The following CNTN4 variants were observed in gnomAD, a reference collection of about 807,000 sequenced individuals.
The protein encoded by CNTN4 is contactin 4.
A neutral mutation model predicts 122.5 loss-of-function variants in CNTN4; 77 were observed. The observed-to-expected ratio is 0.63, with a 90% CI of 0.52 to 0.76. The LOEUF is 0.76. CNTN4 is among the 30% of genes least tolerant of loss of function. CNTN4 has a pLI of 0.00. For synonymous variants in CNTN4, 512 were observed against 447.0 expected, an observed-to-expected ratio of 1.15 and a Z score of -1.83; for missense variants, 1,256 against 1,259.1, an observed-to-expected ratio of 1.00 and a Z score of 0.04.
chr3:2,959,499 G>A (rs2094831844), intron 13 of CNTN4, among the ~76,000 whole-genome samples: 2 of 151,496 alleles, frequency 1.3e-5, no homozygotes, highest in African/African-American at 4.8e-5. Context: ...AACATATTGT[G>A]AAAAAAAATC....
At chr3:2,637,969 T>C (rs1023973112) in intron 4 of CNTN4, among the ~76,000 whole-genome samples, 3 of 152,206 alleles carry the variant, frequency 2.0e-5, no homozygotes, top group African/African-American at 7.2e-5. Flanking sequence ...TTTAAACTTG[T>C]AACTATGGGC....
intron 3 of CNTN4, among the ~76,000 whole-genome samples, chr3:2,359,307 G>A (rs541653047): frequency 2.1e-4 from 32 of 151,828 alleles, no homozygotes; most frequent in African/African-American, 5.6e-4. Flanking sequence ...TTATTACAAC[G>A]TATAATGTAC....
At chr3:2,849,118 G>A (rs1577045248) in intron 7 of CNTN4, among the ~76,000 whole-genome samples, 1 of 152,308 alleles carries the variant, frequency 6.6e-6, no homozygotes, top group East Asian at 1.9e-4. Context: ...TGTACAACAA[G>A]ATCCACTGTC....
At chr3:2,932,314 C>T (rs1405221418) in intron 13 of CNTN4, among the ~76,000 whole-genome samples, 1 of 152,046 alleles carries the variant, frequency 6.6e-6, no homozygotes, top group Non-Finnish European at 1.5e-5. Flanking sequence ...GAAGGCGGAG[C>T]TTGCAGTGAG....
chr3:2,527,508 T>A (rs1258008881), intron 3 of CNTN4, among the ~76,000 whole-genome samples: 5 of 152,212 alleles, frequency 3.3e-5, no homozygotes, highest in Non-Finnish European at 4.4e-5. Flanking sequence ...CTTTCAAGAT[T>A]TAGCATCTGA....
chr3:2,471,662 G>GCC, intron 3 of CNTN4, among the ~76,000 whole-genome samples: 2 of 152,132 alleles, frequency 1.3e-5, no homozygotes, highest in Non-Finnish European at 2.9e-5. Flanking sequence ...CCCTCCAGAG[G>GCC]TGCATTGGTT....
chr3:2,435,254 C>T (rs2048218985), intron 3 of CNTN4, among the ~76,000 whole-genome samples: 1 of 152,102 alleles, frequency 6.6e-6, no homozygotes, highest in South Asian at 2.1e-4. Context: ...CAGGACCTCC[C>T]TTATATACCA....
intron 2 of CNTN4, among the ~76,000 whole-genome samples, chr3:2,131,010 CTGCAGATAAGGGATT>C (rs2034424084): frequency 6.6e-6 from 1 of 152,166 alleles, no homozygotes; most frequent in Non-Finnish European, 1.5e-5. Flanking sequence ...CATATTGGAA[CTGCAGATAAGGGATT>C]ATGGACCTGT....
Position 2,658,890 on chromosome 3 carries a change from T to A in CNTN4, c.56-77325T>A, listed in dbSNP as rs114757605. On this transcript the variant is annotated intron_variant, in intron 4 of 24. Transcript: ENST00000418658. ...CCAGAAAGGGATAAGCTGCAAATCA[T>A]GAATCCATAAGAATAAATACCTACT... 5.3e-5 allele frequency among the ~76,000 whole-genome samples: 8 copies of A among 151,710 alleles called. No homozygotes were observed. In the East Asian group the frequency reaches 1.6e-3, roughly 30 times the overall value.
At chr3:2,287,639 AGAAGAAGAAGAAGAAGAAGAAG>A (rs2041956707) in intron 2 of CNTN4, among the ~76,000 whole-genome samples, 1 of 14,246 alleles carries the variant, frequency 7.0e-5, no homozygotes, top group South Asian at 2.7e-3. Flanking sequence ...AAGGAGAAGA[AGAAGAAGAAGAAGAAGAAGAAG>A]AAGAAGAAGA....
intron 13 of CNTN4, among the ~76,000 whole-genome samples, chr3:2,946,693 CT>C (rs1553703098): frequency 0.03 from 3,824 of 127,710 alleles, 197 homozygotes; most frequent in African/African-American, 0.099. Flanking sequence ...AGACAGCTTG[CT>C]TTTTTTTTTC....
chr3:2,725,091 T>C (rs78095656), intron 4 of CNTN4, among the ~76,000 whole-genome samples: 1,620 of 152,330 alleles, frequency 0.011, 35 homozygotes, highest in African/African-American at 0.037. Flanking sequence ...GCATGGATAA[T>C]GGGAGACACT....
rs796676887 is a variant in CNTN4 at position 2,544,758 on chromosome 3, C to CT, written c.-88-26647dup. Among the ~76,000 whole-genome samples, 888 of 143,772 alleles carry CT rather than the reference C, an allele frequency of 6.2e-3. 7 individuals carry two copies. Among genetic ancestry groups the CT allele is most frequent in the African/African-American group, 0.02 (789 of 39,390 alleles). The allele number at this position is 143,772 out of a possible 152,430, so 94.3% of individuals were successfully genotyped here. A position where few individuals can be genotyped will look rare whatever the true frequency, so the allele number is the denominator to read the frequency against. On this transcript the variant is annotated intron_variant, in intron 3 of 24. Coordinates refer to ENST00000418658, the MANE Select transcript of CNTN4 (RefSeq NM_175607.3). ...AAATGTGTTTACTTGGATCTCTGCT[C>CT]TTTTTTTTTTTAATTAGTCTAGCCA... is the stretch of plus-strand genomic sequence containing the variant.
In CNTN4 at chr3:2,476,745, ATTC is replaced by A. The variant is rs570848136; in HGVS notation, c.-88-94668_-88-94666del. 5.4e-3 allele frequency among the ~76,000 whole-genome samples: 830 copies of A among 152,318 alleles called. 3 individuals are homozygous for A. Among genetic ancestry groups the A allele is most frequent in the Non-Finnish European group, 8.2e-3 (558 of 68,020 alleles). On this transcript the variant is annotated intron_variant, in intron 3 of 24. Transcript: ENST00000418658. ...ATTGGATTGTGATTATGATTGTGCT[ATTC>A]TTTAAATATTCTAAAAACTCCTTGA... is the stretch of plus-strand genomic sequence containing the variant.
At chr3:3,027,142 C>G (rs775546337) in intron 15 of CNTN4, among the ~76,000 whole-genome samples, 2 of 152,146 alleles carry the variant, frequency 1.3e-5, no homozygotes, top group Non-Finnish European at 2.9e-5. Flanking sequence ...ATAGTGAGAG[C>G]ATATTTTCCA....
intron 9 of CNTN4, among the ~76,000 whole-genome samples, chr3:2,883,566 T>C (rs1455719481): frequency 6.6e-6 from 1 of 152,214 alleles, no homozygotes; most frequent in Non-Finnish European, 1.5e-5. Context: ...AGGAAAACAA[T>C]GGCCTCCACT....
chr3:2,181,211 G>C (rs920251347), intron 2 of CNTN4, among the ~76,000 whole-genome samples: 1 of 152,032 alleles, frequency 6.6e-6, no homozygotes, highest in Non-Finnish European at 1.5e-5. Flanking sequence ...TTACACTCAT[G>C]AATAAAAGCA....
chr3:2,666,138 T>C (rs1275888252), intron 4 of CNTN4, among the ~76,000 whole-genome samples: 1 of 152,206 alleles, frequency 6.6e-6, no homozygotes, highest in Non-Finnish European at 1.5e-5. Context: ...TTTGACTTTA[T>C]TTTATGACTT....
chr3:2,811,196 A>AGT, intron 6 of CNTN4, among the ~76,000 whole-genome samples: 1 of 151,704 alleles, frequency 6.6e-6, no homozygotes, highest in East Asian at 2.0e-4. Flanking sequence ...TATCACTTGA[A>AGT]GTCAGGAGTT....
Sources: gnomAD v4.1 joint callset for allele counts (sites outside exome capture counted in the v4.1 genomes callset) on GRCh38, gnomAD v4.1.1 for gene constraint, MANE v1.5 for transcripts, NCBI Gene and HGNC (gene_info 2026-07-23, HGNC 2026-07-21) for gene names.